The following ZKSCAN8 variants were observed in gnomAD, a reference collection of about 807,000 sequenced individuals.
The protein encoded by ZKSCAN8 is zinc finger with KRAB and SCAN domains 8, also known as zinc finger protein with KRAB and SCAN domains 8.
Under a neutral mutation model 57.2 loss-of-function variants are expected in ZKSCAN8, and 27 were observed. The observed-to-expected ratio is 0.47, with a 90% CI of 0.35 to 0.65. ZKSCAN8 has a LOEUF of 0.65. Among genes scored for constraint, ZKSCAN8 ranks in the 30% least tolerant of loss-of-function variants. The pLI is 0.01. For synonymous variants in ZKSCAN8, 214 were observed against 248.7 expected, an observed-to-expected ratio of 0.86 and a Z score of 1.31; for missense variants, 597 against 696.3, an observed-to-expected ratio of 0.86 and a Z score of 1.60.
Position 28,154,274 on chromosome 6 carries a change from A to T in ZKSCAN8, c.*257A>T. The T allele has an allele frequency of 2.6e-6, 1 of 389,396 alleles. No homozygotes were observed. The highest frequency in any genetic ancestry group is 4.5e-6 in the Non-Finnish European group (1 of 222,718). 24.1% of individuals were successfully genotyped at this position (389,396 alleles called of 1,614,324 possible). ...GTATCCTTTAGAAATTTAAAATAGC[A>T]TTAGAGCAAGTTGCTTGTCATGGCT... On this transcript the variant is annotated 3_prime_UTR_variant, in exon 6 of 6. Transcript: ENST00000330236.
At chr6:28,149,684 GATACCT>G in intron 3 of ZKSCAN8, 60 bp downstream of exon 3, 1 of 1,592,842 alleles carries the variant, frequency 6.3e-7, no homozygotes, top group Non-Finnish European at 8.6e-7. Flanking sequence ...GTCCATTTGG[GATACCT>G]ATCTAGTTCC....
Position 28,156,513 on chromosome 6 carries a change from A to T in ZKSCAN8, c.*2496A>T. 3.6e-6 allele frequency: 1 copy of T among 279,732 alleles called. No homozygotes were observed. The highest frequency in any genetic ancestry group is 6.6e-6 in the Non-Finnish European group (1 of 151,146). 17.3% of individuals were successfully genotyped at this position (279,732 alleles called of 1,614,324 possible). ...AGAATTATCAAAGCTGATACAGCACATATACAGAATTAGCCAAATGGTATA... is the reference window on the plus strand; with the variant it reads ...AGAATTATCAAAGCTGATACAGCACTTATACAGAATTAGCCAAATGGTATA... On this transcript the variant is annotated 3_prime_UTR_variant, in exon 6 of 6. Transcript: ENST00000330236.
At chr6:28,151,963 C>A (rs367665667) in intron 4 of ZKSCAN8, 27 bp downstream of exon 4, 6 of 1,605,728 alleles carry the variant, frequency 3.7e-6, no homozygotes, top group South Asian at 3.3e-5. Context: ...CTCACTGAAA[C>A]GCCATAGCTG....
At chr6:28,145,820 A>G (rs1472801155) in intron 1 of ZKSCAN8, among the ~76,000 whole-genome samples, 2 of 152,182 alleles carry the variant, frequency 1.3e-5, no homozygotes, top group Non-Finnish European at 2.9e-5. Context: ...AAAGTGTGCC[A>G]GTCATATTGG....
In ZKSCAN8 at chr6:28,148,391, G is replaced by A. The variant is rs1765473292; in HGVS notation, c.-17G>A. Reference sequence around the variant, plus strand: ...AGAAGGTAGTGGAAACGAACTTCCTGAGCTTTTCAGGCTCTAATGGCTGAA... The same window carrying A: ...AGAAGGTAGTGGAAACGAACTTCCTAAGCTTTTCAGGCTCTAATGGCTGAA... On this transcript the variant is annotated 5_prime_UTR_variant, in exon 2 of 6. Coordinates refer to ENST00000330236, the MANE Select transcript of ZKSCAN8 (RefSeq NM_006298.4). The A allele has an allele frequency of 6.3e-7, 1 of 1,597,682 alleles. No homozygotes were observed. The highest frequency in any genetic ancestry group is 8.5e-7 in the Non-Finnish European group (1 of 1,170,896).
chr6:28,143,582 A>AT (rs1157220069), intron 1 of ZKSCAN8, among the ~76,000 whole-genome samples: 2 of 152,160 alleles, frequency 1.3e-5, no homozygotes, highest in Admixed American at 6.5e-5. Flanking sequence ...TCCCTAAATA[A>AT]TAATAATAAT....
intron 1 of ZKSCAN8, among the ~76,000 whole-genome samples, chr6:28,147,653 G>T (rs1215338362): frequency 6.6e-6 from 1 of 152,174 alleles, no homozygotes; most frequent in Non-Finnish European, 1.5e-5. Context: ...AAATCATATA[G>T]TATGTAGCCT....
chr6:28,146,503 C>T (rs1179008162), intron 1 of ZKSCAN8, among the ~76,000 whole-genome samples: 1 of 152,156 alleles, frequency 6.6e-6, no homozygotes, highest in Non-Finnish European at 1.5e-5. Flanking sequence ...ACATTGTGTT[C>T]ACGGAATGGA....
rs757370899 is a variant in ZKSCAN8 at position 28,153,471 on chromosome 6, G to T, written c.1191G>T (p.Gln397His). Residue 397 changes from glutamine (Q) to histidine (H), a missense_variant, in exon 6 of 6, where the codon CAG becomes CAT. By Grantham distance (24) the Gln-to-His change is conservative (BLOSUM62 0). Transcript: ENST00000330236. ...FSQNTGLILH[Q>H]RIHTGEKPYQ... The stretch of plus-strand genomic sequence containing the variant: ...AGAACACAGGCCTGATTCTGCACCA[G>T]AGAATCCACACTGGGGAGAAGCCAT... 8.7e-6 allele frequency: 14 copies of T among 1,612,340 alleles called. No homozygotes were observed. The East Asian group carries it at 2.7e-4, about 31-fold the overall frequency.
intron 3 of ZKSCAN8, among the ~76,000 whole-genome samples, chr6:28,150,243 C>CT (rs967206685): frequency 4.6e-5 from 7 of 151,080 alleles, no homozygotes; most frequent in East Asian, 1.9e-4. Flanking sequence ...CTCAACCTTT[C>CT]TTTTTTTTTG....
At position 28,153,734 on chromosome 6, in the gene ZKSCAN8, C is replaced by G; in HGVS notation, c.1454C>G (p.Thr485Ser). ...SHLIGHQRSH[T>S]GEKPYKCNEC... The stretch of plus-strand genomic sequence containing the variant: ...CTTATTGGTCATCAGAGGAGCCACA[C>G]TGGGGAGAAACCCTACAAATGCAAT... Residue 485 changes from threonine to serine, a missense_variant, in exon 6 of 6, where the codon ACT becomes AGT. Coordinates refer to ENST00000330236, the MANE Select transcript of ZKSCAN8 (RefSeq NM_006298.4). The G allele has an allele frequency of 3.1e-6, 5 of 1,613,926 alleles. No homozygotes were observed. Among genetic ancestry groups the G allele is most frequent in the Non-Finnish European group, 4.2e-6 (5 of 1,179,960 alleles).
chr6:28,150,432 C>T (rs1419566927), intron 3 of ZKSCAN8, among the ~76,000 whole-genome samples: 2 of 152,080 alleles, frequency 1.3e-5, no homozygotes, highest in African/African-American at 4.8e-5. Flanking sequence ...AGGAATTTGT[C>T]CTATTATTGG....
At chr6:28,147,406 T>G (rs4711165) in intron 1 of ZKSCAN8, among the ~76,000 whole-genome samples, 34,805 of 151,960 alleles carry the variant, frequency 0.23, 4,136 homozygotes, top group African/African-American at 0.28. Flanking sequence ...CTAGTCAGAT[T>G]GGAAAACAGT....
chr6:28,144,192 A>ATTTG lies in ZKSCAN8; in HGVS notation c.-93+2169_-93+2172dup, dbSNP rs1765313290. 6.6e-6 allele frequency: 1 copy of ATTTG among 151,910 alleles called. No individual in the cohort carries two copies. The highest frequency in any genetic ancestry group is 1.5e-5 in the Non-Finnish European group (1 of 68,000). 9.4% of individuals were successfully genotyped at this position (151,910 alleles called of 1,614,324 possible). A position where few individuals can be genotyped will look rare whatever the true frequency, so the allele number is the denominator to read the frequency against. On this transcript the variant is annotated intron_variant, in intron 1 of 5. Coordinates refer to ENST00000330236, the MANE Select transcript of ZKSCAN8 (RefSeq NM_006298.4). This position sits in a 1 kb window ranked among gnomAD's most constrained non-coding sequence, Gnocchi z 4.5. ...TTTCTGTACACACTCTCTATGTAGG[A>ATTTG]TTTGTTTGTATGTTTGTTTGTTTTT... is the stretch of plus-strand genomic sequence containing the variant.
Position 28,153,889 on chromosome 6 carries a change from C to T in ZKSCAN8, c.1609C>T (p.Leu537=). ...FNGNTGLIQH[L]RIHTGEKPYQ... ...TGGGAACACTGGTCTCATTCAACACCTGAGAATTCACACAGGGGAGAAGCC... is the reference window on the plus strand; with the variant it reads ...TGGGAACACTGGTCTCATTCAACACTTGAGAATTCACACAGGGGAGAAGCC... Residue 537 remains leucine, a synonymous_variant, in exon 6 of 6, where the codon CTG becomes TTG. Transcript: ENST00000330236. 1 of 1,614,142 alleles carries T rather than the reference C, an allele frequency of 6.2e-7. No homozygotes were observed. The highest frequency in any genetic ancestry group is 2.2e-5 in the East Asian group (1 of 44,878).
chr6:28,148,770 G>A lies in ZKSCAN8; in HGVS notation c.363G>A (p.Glu121=), dbSNP rs750117879. 1.7e-5 allele frequency: 28 copies of A among 1,613,988 alleles called. No individual in the cohort carries two copies. The highest frequency in any genetic ancestry group is 3.3e-5 in the Admixed American group (2 of 60,000). The part of the protein sequence containing the change: ...VKEHQLENGE[E]VVTLLEDLER... Reference sequence around the variant, plus strand: ...AACATCAGCTAGAGAACGGAGAGGAGGTGGTGACCCTATTAGAGGATTTGG... The same window carrying A: ...AACATCAGCTAGAGAACGGAGAGGAAGTGGTGACCCTATTAGAGGATTTGG... Residue 121 remains glutamate, a synonymous_variant, in exon 2 of 6, where the codon GAG becomes GAA. Transcript: ENST00000330236.
intron 3 of ZKSCAN8, 140 bp downstream of exon 3, chr6:28,149,764 G>A: frequency 1.1e-6 from 1 of 880,444 alleles, no homozygotes; most frequent in East Asian, 3.0e-5. Flanking sequence ...TAAATGTTTA[G>A]GCTTCAAATA....
At chr6:28,151,241 TC>T (rs1250371439) in intron 3 of ZKSCAN8, among the ~76,000 whole-genome samples, 2 of 152,198 alleles carry the variant, frequency 1.3e-5, no homozygotes, top group African/African-American at 2.4e-5. Context: ...GGTGTTCCAG[TC>T]TCATCTTCCC....
chr6:28,152,013 T>G, intron 4 of ZKSCAN8, 77 bp downstream of exon 4: 1 of 1,536,130 alleles, frequency 6.5e-7, no homozygotes, highest in Non-Finnish European at 9.0e-7. Context: ...ATATCTTGAC[T>G]GTCTAGTTTG....
Sources: gnomAD v4.1 joint callset for allele counts (sites outside exome capture counted in the v4.1 genomes callset) on GRCh38, gnomAD v4.1.1 for gene constraint, Gnocchi (gnomAD v3.1) non-coding constraint, MANE v1.5 for transcripts, NCBI Gene and HGNC (gene_info 2026-07-23, HGNC 2026-07-21) for gene names.